The following WNT9B variants were observed in gnomAD, a reference collection of about 807,000 sequenced individuals.
The protein encoded by WNT9B is Wnt family member 9B, also known as protein Wnt-9b.
A neutral mutation model predicts 30.2 loss-of-function variants in WNT9B; 12 were observed. The observed-to-expected ratio is 0.40, with a 90% CI of 0.26 to 0.64. The LOEUF is 0.64. Among genes scored for constraint, WNT9B ranks in the 30% least tolerant of loss-of-function variants. WNT9B has a pLI of 0.42. For synonymous variants in WNT9B, 218 were observed against 216.9 expected, an observed-to-expected ratio of 1.01 and a Z score of -0.05; for missense variants, 442 against 485.2, an observed-to-expected ratio of 0.91 and a Z score of 0.84.
chr17:46,853,029 G>A (rs1242467152), intron 1 of WNT9B, among the ~76,000 whole-genome samples: 1 of 152,146 alleles, frequency 6.6e-6, no homozygotes, highest in Non-Finnish European at 1.5e-5. Context: ...TTTGTACAAA[G>A]AAGGGGTTGA....
intron 1 of WNT9B, among the ~76,000 whole-genome samples, chr17:46,844,115 G>A (rs978968653): frequency 3.3e-5 from 5 of 151,936 alleles, no homozygotes; most frequent in African/African-American, 7.3e-5. Context: ...CACAATGCCT[G>A]GCTAATTTTT....
At chr17:46,849,403 C>T (rs1016500705), upstream of WNT9B, among the ~76,000 whole-genome samples, 2 of 152,218 alleles carry the variant, frequency 1.3e-5, no homozygotes, top group African/African-American at 4.8e-5. Context: ...ACAGGAGGAG[C>T]AGCTGGGCAG....
chr17:46,847,901 A>G (rs141882676), upstream of WNT9B, among the ~76,000 whole-genome samples: 1,265 of 152,186 alleles, frequency 8.3e-3, 17 homozygotes, highest in African/African-American at 0.028. Flanking sequence ...GTCTGCAGAC[A>G]TCCTGGAGCT....
chr17:46,857,627 G>A (rs748738717), intron 1 of WNT9B, among the ~76,000 whole-genome samples: 1 of 152,170 alleles, frequency 6.6e-6, no homozygotes, highest in African/African-American at 2.4e-5. Flanking sequence ...TGTTGGATCA[G>A]ATGGTTGATA....
intron 2 of WNT9B, among the ~76,000 whole-genome samples, chr17:46,873,161 T>C (rs1430616495): frequency 6.6e-6 from 1 of 151,248 alleles, no homozygotes; most frequent in Non-Finnish European, 1.5e-5. Flanking sequence ...GACGTGAGGA[T>C]GGGCGGCAGC....
At chr17:46,882,369 C>T (rs1244735178), downstream of WNT9B, among the ~76,000 whole-genome samples, 1 of 152,208 alleles carries the variant, frequency 6.6e-6, no homozygotes, top group Non-Finnish European at 1.5e-5. Flanking sequence ...CTGATCGTTT[C>T]CTTGTACTTG....
At position 46,877,872 on chromosome 17, in the gene WNT9B, T is replaced by C. The variant is rs1024524834; in HGVS notation, c.*1154T>C. On this transcript the variant is annotated 3_prime_UTR_variant, in exon 4 of 4. Coordinates refer to ENST00000290015, the MANE Select transcript of WNT9B (RefSeq NM_003396.3). ...GTCCTTGCTAAGCCTGGCTCCTGGG[T>C]AGCCTCCTTCAGTTCCTAATGGCCT... is the stretch of plus-strand genomic sequence containing the variant. Among the ~76,000 whole-genome samples the C allele has an allele frequency of 6.6e-6, 1 of 152,206 alleles. No homozygotes were observed. The highest frequency in any genetic ancestry group is 1.5e-5 in the Non-Finnish European group (1 of 68,022).
chr17:46,860,899 C>T (rs1481496005), intron 1 of WNT9B, among the ~76,000 whole-genome samples: 1 of 152,160 alleles, frequency 6.6e-6, no homozygotes, highest in African/African-American at 2.4e-5. Context: ...TGCTCTGTCA[C>T]CCAGACTAGA....
At chr17:46,859,655 G>A (rs1029128174) in intron 1 of WNT9B, among the ~76,000 whole-genome samples, 9 of 152,090 alleles carry the variant, frequency 5.9e-5, no homozygotes, top group East Asian at 1.9e-4. Context: ...CTATTTTTTC[G>A]AAATTGCATG....
chr17:46,844,219 A>G (rs2084747223), intron 1 of WNT9B, among the ~76,000 whole-genome samples: 1 of 151,964 alleles, frequency 6.6e-6, no homozygotes, highest in African/African-American at 2.4e-5. Flanking sequence ...AGTCTCCCAG[A>G]ATGCTAGGAT....
rs762659550 is a variant in WNT9B, at chr17:46,879,385, C to T, written c.*2667C>T. On this transcript the variant is annotated 3_prime_UTR_variant, in exon 4 of 4. Transcript: ENST00000290015. ...CCTGGTGGGCTCCATCCAGACCCTC[C>T]TTGTGATGTTTTTGTAGATTTTCTG... is the stretch of plus-strand genomic sequence containing the variant. Among the ~76,000 whole-genome samples, 121 of 152,352 alleles carry T rather than the reference C, an allele frequency of 7.9e-4. No individual in the cohort carries two copies. The highest frequency in any genetic ancestry group is 6.8e-3 in the Middle Eastern group (2 of 294).
In WNT9B at chr17:46,838,311, G is replaced by A. The variant is rs1451476496; in HGVS notation, c.95+4871G>A. Among the ~76,000 whole-genome samples, 7 of 148,916 alleles carry A rather than the reference G, an allele frequency of 4.7e-5. No homozygotes were observed. The South Asian group carries it at 6.3e-4, about 13-fold the overall frequency. On this transcript the variant is annotated intron_variant, in intron 1 of 2. Coordinates refer to the WNT9B transcript ENST00000575372. ...GTCAGTGGATCAGAAGAGATAGAACGGGGCCTGCCTTAAAAAAAAAAAAAA... is the reference window on the plus strand; with the variant it reads ...GTCAGTGGATCAGAAGAGATAGAACAGGGCCTGCCTTAAAAAAAAAAAAAA...
rs551959338 is a variant in WNT9B, at chr17:46,855,817, G to C, written c.77+4102G>C. On this transcript the variant is annotated intron_variant, in intron 1 of 3. Transcript: ENST00000290015. ...AAGTTCAACAGATTCTCCTGCCTCA[G>C]CTTCCCCAGTAGCTGAGATTGCAGG... Among the ~76,000 whole-genome samples the C allele has an allele frequency of 3.3e-4, 50 of 152,202 alleles. No homozygotes were observed. The South Asian group carries it at 1.0e-2, about 30-fold the overall frequency.
intron 2 of WNT9B, among the ~76,000 whole-genome samples, chr17:46,874,278 A>G (rs777404531): frequency 6.6e-6 from 1 of 152,146 alleles, no homozygotes; most frequent in Non-Finnish European, 1.5e-5. Flanking sequence ...CATTGGGTCT[A>G]TTCCACAGTG....
At position 46,880,383 on chromosome 17, in the gene WNT9B, C is replaced by A. The variant is rs192590432; in HGVS notation, c.*3665C>A. Among the ~76,000 whole-genome samples the A allele has an allele frequency of 5.1e-4, 77 of 152,348 alleles. No homozygotes were observed. Among genetic ancestry groups the A allele is most frequent in the Non-Finnish European group, 9.6e-4 (65 of 68,030 alleles). On this transcript the variant is annotated 3_prime_UTR_variant, in exon 4 of 4. Coordinates refer to ENST00000290015, the MANE Select transcript of WNT9B (RefSeq NM_003396.3). ...ACAATGGAAGCCATCACTTATTGAG[C>A]ACCCCTTATGTCCATTTATTCAACC...
chr17:46,857,500 A>C, intron 1 of WNT9B, among the ~76,000 whole-genome samples: 1 of 148,204 alleles, frequency 6.7e-6, no homozygotes. Context: ...AAAAAAAGAT[A>C]TTTGGGTTAT....
chr17:46,851,911 C>T lies in WNT9B; in HGVS notation c.77+196C>T, dbSNP rs1487861181. Among the ~76,000 whole-genome samples, 3 of 152,192 alleles carry T rather than the reference C, an allele frequency of 2.0e-5. No individual in the cohort carries two copies. The highest frequency in any genetic ancestry group is 1.9e-4 in the East Asian group (1 of 5,194). ...AGTTCGGTCTCCAGCTTCCCCGGCT[C>T]CGAATCCATCGCCCTGTTCAGTGTC... On this transcript the variant is annotated intron_variant, in intron 1 of 3. Transcript: ENST00000290015. This position sits in a 1 kb window ranked among gnomAD's most constrained non-coding sequence, Gnocchi z 4.3.
chr17:46,860,408 C>A (rs2085016851), intron 1 of WNT9B, among the ~76,000 whole-genome samples: 1 of 152,128 alleles, frequency 6.6e-6, no homozygotes, highest in Non-Finnish European at 1.5e-5. Flanking sequence ...CAGGATCGGA[C>A]ATGGCCCAAG....
intron 1 of WNT9B, among the ~76,000 whole-genome samples, chr17:46,843,276 C>T (rs577390604): frequency 2.6e-5 from 4 of 152,350 alleles, no homozygotes; most frequent in African/African-American, 7.2e-5. Context: ...TCAACCTCCT[C>T]TCACTCCAAA....
Sources: gnomAD v4.1 joint callset for allele counts (sites outside exome capture counted in the v4.1 genomes callset) on GRCh38, gnomAD v4.1.1 for gene constraint, Gnocchi (gnomAD v3.1) non-coding constraint, MANE v1.5 for transcripts, NCBI Gene and HGNC (gene_info 2026-07-23, HGNC 2026-07-21) for gene names.